PPP2R3A: variants seen among roughly 807,000 people sequenced by gnomAD.
PPP2R3A encodes the protein protein phosphatase 2 regulatory subunit B''alpha.
PPP2R3A carries 80 observed loss-of-function variants against 106.9 expected under a neutral mutation model. That is an observed-to-expected ratio of 0.75 (90% confidence interval 0.62 to 0.90). The LOEUF (loss-of-function observed/expected upper bound fraction) is 0.90. PPP2R3A is among the 40% of genes least tolerant of loss of function. The pLI is 0.00. For synonymous variants in PPP2R3A, 483 were observed against 468.3 expected (o/e 1.03, Z -0.41); for missense variants, 1,386 against 1,350.4 (o/e 1.03, Z -0.41).
chr3:136,043,467 A>G (rs1286341187), intron 4 of PPP2R3A, among the ~76,000 whole-genome samples: 3 of 152,124 alleles, frequency 2.0e-5, no homozygotes, highest in African/African-American at 7.2e-5. Context: ...TCAAAAAAAA[A>G]CAGAATATAG....
intron 13 of PPP2R3A, among the ~76,000 whole-genome samples, chr3:136,141,756 T>C (rs1183878848): frequency 1.3e-5 from 2 of 152,234 alleles, no homozygotes; most frequent in Non-Finnish European, 2.9e-5. Context: ...CAGCCTGGTA[T>C]GGCAGTAGCA....
At chr3:136,040,986 G>C (rs1241362507) in intron 4 of PPP2R3A, 24 bp downstream of exon 4, 6 of 1,590,202 alleles carry the variant, frequency 3.8e-6, no homozygotes, top group Non-Finnish European at 5.2e-6. Context: ...CAGTCTCTCT[G>C]GAGCTAGGCA....
intron 13 of PPP2R3A, among the ~76,000 whole-genome samples, chr3:136,126,501 A>G (rs543502530): frequency 2.0e-5 from 3 of 152,358 alleles, no homozygotes; most frequent in South Asian, 2.1e-4. Context: ...CCACAGCTCA[A>G]CAATGCCTAC....
At chr3:136,144,286 G>C (rs1939007706) in intron 13 of PPP2R3A, among the ~76,000 whole-genome samples, 3 of 152,210 alleles carry the variant, frequency 2.0e-5, no homozygotes, top group Non-Finnish European at 4.4e-5. Flanking sequence ...ACTTTAGTCA[G>C]TTCAACCTAC....
intron 3 of PPP2R3A, among the ~76,000 whole-genome samples, chr3:136,027,649 A>G (rs1934716920): frequency 6.6e-6 from 1 of 152,194 alleles, no homozygotes; most frequent in Non-Finnish European, 1.5e-5. Flanking sequence ...TCCTCCCAGA[A>G]CAGTTAATAC....
intron 1 of PPP2R3A, among the ~76,000 whole-genome samples, chr3:135,994,448 A>G (rs572057978): frequency 1.3e-5 from 2 of 152,292 alleles, no homozygotes; most frequent in East Asian, 1.9e-4. Context: ...AGACCTAACT[A>G]TTCTCTTACA....
intron 13 of PPP2R3A, among the ~76,000 whole-genome samples, chr3:136,134,025 T>C (rs1263330964): frequency 6.6e-6 from 1 of 152,138 alleles, no homozygotes; most frequent in Non-Finnish European, 1.5e-5. Flanking sequence ...CTTATTAAAT[T>C]GGCAGCAATT....
intron 13 of PPP2R3A, among the ~76,000 whole-genome samples, chr3:136,133,890 C>CAAAAA (rs34515503): frequency 1.8e-5 from 1 of 55,436 alleles, no homozygotes; most frequent in African/African-American, 5.6e-5. Flanking sequence ...AACTCCATCT[C>CAAAAA]AAAAAAAAAA....
At chr3:136,051,281 G>A (rs1935676507) in intron 5 of PPP2R3A, among the ~76,000 whole-genome samples, 1 of 152,124 alleles carries the variant, frequency 6.6e-6, no homozygotes, top group East Asian at 1.9e-4. Context: ...AAAATACATG[G>A]AAATAGTTGA....
At chr3:136,128,958 G>GT (rs755063633) in intron 13 of PPP2R3A, among the ~76,000 whole-genome samples, 28 of 152,202 alleles carry the variant, frequency 1.8e-4, no homozygotes, top group Admixed American at 1.5e-3. Flanking sequence ...TAAAGATGTT[G>GT]TTTGAAACCA....
chr3:136,125,509 C>T (rs2108007377), intron 13 of PPP2R3A, among the ~76,000 whole-genome samples: 1 of 152,222 alleles, frequency 6.6e-6, no homozygotes, highest in South Asian at 2.1e-4. Context: ...CAGACAAAGA[C>T]ATCTTGTCTT....
At chr3:136,097,111 T>G (rs1937234014) in intron 10 of PPP2R3A, among the ~76,000 whole-genome samples, 1 of 152,224 alleles carries the variant, frequency 6.6e-6, no homozygotes. Context: ...GGTCAGTTAT[T>G]CCTTCTGTGT....
intron 2 of PPP2R3A, among the ~76,000 whole-genome samples, chr3:136,011,059 C>T (rs1367323440): frequency 1.3e-5 from 2 of 152,130 alleles, no homozygotes; most frequent in Non-Finnish European, 2.9e-5. Flanking sequence ...GACATATTCC[C>T]ATTTGCTGTT....
At chr3:135,982,624 C>T (rs1937553407) in intron 1 of PPP2R3A, among the ~76,000 whole-genome samples, 1 of 152,136 alleles carries the variant, frequency 6.6e-6, no homozygotes, top group South Asian at 2.1e-4. Context: ...TCTCAACCCT[C>T]CCACTCTCAA....
chr3:136,026,810 C>T (rs972049774), intron 2 of PPP2R3A, 22 bp from the exon 3 acceptor site: 18 of 1,578,652 alleles, frequency 1.1e-5, no homozygotes, highest in Non-Finnish European at 1.5e-5. Flanking sequence ...TTTTGTGTCT[C>T]ATAATCTTAT....
intron 1 of PPP2R3A, among the ~76,000 whole-genome samples, chr3:135,987,836 G>A (rs779707181): frequency 5.3e-5 from 8 of 152,188 alleles, no homozygotes; most frequent in Non-Finnish European, 8.8e-5. Context: ...GGAAGTGGCT[G>A]CTATTGCATG....
intron 3 of PPP2R3A, 108 bp from the exon 4 acceptor site, chr3:136,040,751 C>A: frequency 2.4e-6 from 2 of 831,936 alleles, no homozygotes; most frequent in Non-Finnish European, 1.8e-6. Flanking sequence ...CCTGAGGGCT[C>A]TTCCATCCAC....
chr3:136,131,428 G>C (rs1414505075), intron 13 of PPP2R3A, among the ~76,000 whole-genome samples: 1 of 152,192 alleles, frequency 6.6e-6, no homozygotes, highest in African/African-American at 2.4e-5. Context: ...ATCATCACTG[G>C]TCATCAGAGA....
chr3:136,050,399 A>C (rs1935644662), intron 5 of PPP2R3A, among the ~76,000 whole-genome samples: 1 of 152,198 alleles, frequency 6.6e-6, no homozygotes, highest in East Asian at 1.9e-4. Flanking sequence ...TTTTAACCTC[A>C]GACCTTCCTG....
Sources: allele counts gnomAD v4.1 joint callset (sites outside exome capture counted in the v4.1 genomes callset), GRCh38; gene constraint gnomAD v4.1.1; transcripts MANE v1.5; gene names NCBI Gene and HGNC (gene_info 2026-07-23, HGNC 2026-07-21).